The following CLNS1A variants were observed in gnomAD, a reference collection of about 807,000 sequenced individuals.
CLNS1A encodes methylosome subunit pICln.
In CLNS1A, 16 loss-of-function variants were observed where a neutral mutation model predicts 29.4. The ratio of observed to expected loss-of-function variants is 0.54; its 90% CI spans 0.37 to 0.83. The LOEUF (loss-of-function observed/expected upper bound fraction) is 0.83, where lower values mean the gene tolerates loss of function less well. Among genes scored for constraint, CLNS1A ranks in the 40% least tolerant of loss-of-function variants. CLNS1A has a pLI of 0.00. For synonymous variants in CLNS1A, 96 were observed against 104.8 expected, an observed-to-expected ratio of 0.92 and a Z score of 0.51; for missense variants, 235 against 287.4, an observed-to-expected ratio of 0.82 and a Z score of 1.32.
intron 2 of CLNS1A, among the ~76,000 whole-genome samples, chr11:77,626,378 C>T (rs894238822): frequency 2.6e-5 from 4 of 152,126 alleles, no homozygotes; most frequent in Admixed American, 2.6e-4. Flanking sequence ...CGGTGGCTCA[C>T]GCCTGTAATC....
At position 77,614,924 on chromosome 11, in the gene CLNS1A, A is replaced by G. The variant is rs141767524; in HGVS notation, c.*1794T>C. Reference sequence around the variant, plus strand: ...TTTTTTCTCAGCTTCTATTTTCTCAATGCTACGGTTCTAACTATCTAGTGA... The same window carrying G: ...TTTTTTCTCAGCTTCTATTTTCTCAGTGCTACGGTTCTAACTATCTAGTGA... On this transcript the variant is annotated 3_prime_UTR_variant, in exon 7 of 7. Coordinates refer to ENST00000525428, the MANE Select transcript of CLNS1A (RefSeq NM_001293.3). The G allele has an allele frequency of 1.4e-4, 22 of 152,308 alleles. No individual in the cohort carries two copies. The highest frequency in any genetic ancestry group is 5.3e-4 in the African/African-American group (22 of 41,560). The allele number at this position is 152,308 out of a possible 1,614,324, so 9.4% of individuals were successfully genotyped here. A position where few individuals can be genotyped will look rare whatever the true frequency, so the allele number is the denominator to read the frequency against.
intron 1 of CLNS1A, among the ~76,000 whole-genome samples, chr11:77,630,256 C>T (rs906499328): frequency 2.6e-5 from 4 of 152,210 alleles, no homozygotes; most frequent in Admixed American, 2.6e-4. Flanking sequence ...CCTTCAACTA[C>T]ACCAGTCCAT....
rs1418231495 is a variant in CLNS1A at position 77,614,909 on chromosome 11, G to C, written c.*1809C>G. 1.3e-5 allele frequency: 2 copies of C among 152,012 alleles called. No individual in the cohort carries two copies. The highest frequency in any genetic ancestry group is 4.8e-5 in the African/African-American group (2 of 41,376). The allele number at this position is 152,012 out of a possible 1,614,324, so 9.4% of individuals were successfully genotyped here. On this transcript the variant is annotated 3_prime_UTR_variant, in exon 7 of 7. Coordinates refer to ENST00000525428, the MANE Select transcript of CLNS1A (RefSeq NM_001293.3). ...AAGCCTGACCTGCTCTTTTTTCTCA[G>C]CTTCTATTTTCTCAATGCTACGGTT... is the stretch of plus-strand genomic sequence containing the variant.
At chr11:77,635,019 G>T (rs1273049588) in intron 1 of CLNS1A, among the ~76,000 whole-genome samples, 2 of 152,090 alleles carry the variant, frequency 1.3e-5, no homozygotes, top group Non-Finnish European at 2.9e-5. Flanking sequence ...TGTCCAGGCT[G>T]GTCAAGAACT....
In CLNS1A at chr11:77,614,642, C is replaced by G. The variant is rs180874668; in HGVS notation, c.*2076G>C. On this transcript the variant is annotated 3_prime_UTR_variant, in exon 7 of 7. Transcript: ENST00000525428. Reference sequence around the variant, plus strand: ...GATTACAGGTGTGAGCCACCACGTCCGGCTGGGACCATATCTTAATGAATA... The same window carrying G: ...GATTACAGGTGTGAGCCACCACGTCGGGCTGGGACCATATCTTAATGAATA... The G allele has an allele frequency of 6.6e-6, 1 of 152,352 alleles. No individual in the cohort carries two copies. The highest frequency in any genetic ancestry group is 2.4e-5 in the African/African-American group (1 of 41,564). The allele number at this position is 152,352 out of a possible 1,614,324, so 9.4% of individuals were successfully genotyped here.
chr11:77,629,381 T>C (rs1267329547), intron 2 of CLNS1A, among the ~76,000 whole-genome samples: 1 of 151,958 alleles, frequency 6.6e-6, no homozygotes, highest in Non-Finnish European at 1.5e-5. Flanking sequence ...TTGATTATTA[T>C]CAAAGACTCT....
chr11:77,625,088 A>G lies in CLNS1A; in HGVS notation c.365-18T>C. ...TGCCTCCACTGAACAAGGAAATTAA[A>G]CTGTAACCAATCTTTTTTTGTAATA... On this transcript the variant is annotated intron_variant, in intron 3 of 6. Transcript: ENST00000525428. 3.2e-6 allele frequency: 5 copies of G among 1,540,686 alleles called. No homozygotes were observed. The highest frequency in any genetic ancestry group is 4.5e-6 in the Non-Finnish European group (5 of 1,121,422).
rs1170888470 is a variant in CLNS1A, at chr11:77,619,835, G to A, written c.647-140C>T. On this transcript the variant is annotated intron_variant, in intron 5 of 6. Transcript: ENST00000525428. ...TTCCTCTTTTTGGAAAAGTCTGAAG[G>A]GACAAACTGAGAAAGAAAATGCTAC... 4 of 647,048 alleles carry A rather than the reference G, an allele frequency of 6.2e-6. No homozygotes were observed. In the East Asian group the frequency reaches 8.3e-5, roughly 13 times the overall value. The allele number at this position is 647,048 out of a possible 1,614,324, so 40.1% of individuals were successfully genotyped here.
chr11:77,615,363 C>CTGGTAGGTGGTAAGGCTGTA lies in CLNS1A; in HGVS notation c.*1335_*1354dup, dbSNP rs1958898556. 2 of 152,140 alleles carry CTGGTAGGTGGTAAGGCTGTA rather than the reference C, an allele frequency of 1.3e-5. No homozygotes were observed. The highest frequency in any genetic ancestry group is 2.9e-5 in the Non-Finnish European group (2 of 68,042). The allele number at this position is 152,140 out of a possible 1,614,324, so 9.4% of individuals were successfully genotyped here. On this transcript the variant is annotated 3_prime_UTR_variant, in exon 7 of 7. Transcript: ENST00000525428. ...GGGAGAGTGTGCATGCTTTCTGCTGCTGGTAGGTGGTAAGGCTGTATGATG... is the reference window on the plus strand; with the variant it reads ...GGGAGAGTGTGCATGCTTTCTGCTGCTGGTAGGTGGTAAGGCTGTATGGTAGGTGGTAAGGCTGTATGATG...
chr11:77,626,407 G>A (rs182863395), intron 2 of CLNS1A, among the ~76,000 whole-genome samples: 4,889 of 152,218 alleles, frequency 0.032, 111 homozygotes, highest in Middle Eastern at 0.068. Flanking sequence ...TTGGGAGGCC[G>A]AGGTGGGCGG....
At chr11:77,620,148 A>G (rs778890699) in intron 5 of CLNS1A, among the ~76,000 whole-genome samples, 12 of 152,150 alleles carry the variant, frequency 7.9e-5, no homozygotes, top group Non-Finnish European at 1.2e-4. Flanking sequence ...GAGCCCTGAT[A>G]TGGTTTGGCT....
In CLNS1A at chr11:77,616,192, A is replaced by G. The variant is rs552636101; in HGVS notation, c.*526T>C. ...GGTTTATTTGTTAAGCTATTACAAA[A>G]ACAAAACAATTACCATTTGAAGTAC... is the stretch of plus-strand genomic sequence containing the variant. On this transcript the variant is annotated 3_prime_UTR_variant, in exon 7 of 7. Coordinates refer to ENST00000525428, the MANE Select transcript of CLNS1A (RefSeq NM_001293.3). The G allele has an allele frequency of 1.3e-5, 2 of 152,362 alleles. No individual in the cohort carries two copies. The highest frequency in any genetic ancestry group is 4.8e-5 in the African/African-American group (2 of 41,588). The allele number at this position is 152,362 out of a possible 1,614,324, so 9.4% of individuals were successfully genotyped here. A position where few individuals can be genotyped will look rare whatever the true frequency, so the allele number is the denominator to read the frequency against.
chr11:77,620,182 T>C (rs924688402), intron 5 of CLNS1A, among the ~76,000 whole-genome samples: 2 of 152,172 alleles, frequency 1.3e-5, no homozygotes, highest in Non-Finnish European at 2.9e-5. Flanking sequence ...AATTTCATCT[T>C]GAATTCCCAC....
chr11:77,630,480 A>G (rs146400549), intron 1 of CLNS1A, among the ~76,000 whole-genome samples: 1 of 152,300 alleles, frequency 6.6e-6, no homozygotes, highest in Non-Finnish European at 1.5e-5. Flanking sequence ...CTACACTAAA[A>G]GACATATATA....
At chr11:77,634,921 T>C (rs1959109057) in intron 1 of CLNS1A, among the ~76,000 whole-genome samples, 1 of 151,778 alleles carries the variant, frequency 6.6e-6, no homozygotes, top group Admixed American at 6.6e-5. Context: ...CAGCTCCCCA[T>C]AGTAACTGCC....
chr11:77,625,100 CT>C, intron 3 of CLNS1A, 30 bp from the exon 4 acceptor site: 1 of 1,482,906 alleles, frequency 6.7e-7, no homozygotes, highest in Non-Finnish European at 9.3e-7. Context: ...TGTAACCAAT[CT>C]TTTTTTGTAA....
intron 6 of CLNS1A, 53 bp downstream of exon 6, chr11:77,619,553 T>A: frequency 8.6e-7 from 1 of 1,169,582 alleles, no homozygotes; most frequent in South Asian, 1.2e-5. Context: ...TAGAAAGTAA[T>A]CATTTCATAT....
At chr11:77,626,076 A>T (rs7131298) in intron 2 of CLNS1A, among the ~76,000 whole-genome samples, 1 of 151,816 alleles carries the variant, frequency 6.6e-6, no homozygotes, top group African/African-American at 2.4e-5. Flanking sequence ...TTTTAAGGTT[A>T]TTTTTAAGGT....
rs1218302038 is a variant in CLNS1A, at chr11:77,629,845, G to C, written c.180C>G (p.Thr60=). ...SGLGFSLEYP[T]ISLHALSRDR... The stretch of plus-strand genomic sequence containing the variant: ...CCCTGGATAATGCATGTAAACTAAT[G>C]GTGGGGTATTCCAGTGAGAATCCTA... The change falls in exon 2 of 7, where the codon ACC becomes ACG. Residue 60 remains threonine, a synonymous_variant. Coordinates refer to ENST00000525428, the MANE Select transcript of CLNS1A (RefSeq NM_001293.3). 6.2e-7 allele frequency: 1 copy of C among 1,613,664 alleles called. No individual in the cohort carries two copies. Among genetic ancestry groups the C allele is most frequent in the Admixed American group, 1.7e-5 (1 of 60,020 alleles).
Sources: allele counts gnomAD v4.1 joint callset (sites outside exome capture counted in the v4.1 genomes callset), GRCh38; gene constraint gnomAD v4.1.1; transcripts MANE v1.5; gene names NCBI Gene and HGNC (gene_info 2026-07-23, HGNC 2026-07-21).